The following NXN variants were observed in gnomAD, a reference collection of about 807,000 sequenced individuals.
NXN encodes nucleoredoxin.
NXN carries 16 observed loss-of-function variants against 48.6 expected under a neutral mutation model. The ratio of observed to expected loss-of-function variants is 0.33; its 90% CI spans 0.22 to 0.50. The LOEUF (loss-of-function observed/expected upper bound fraction) is 0.50. NXN is among the 20% of genes least tolerant of loss of function. The pLI is 0.98. For synonymous variants in NXN, 281 were observed against 269.6 expected (o/e 1.04, Z -0.41); for missense variants, 492 against 605.5 (o/e 0.81, Z 1.97).
intron 1 of NXN, among the ~76,000 whole-genome samples, chr17:970,036 G>GT (rs2069355270): frequency 6.6e-6 from 1 of 152,116 alleles, no homozygotes; most frequent in South Asian, 2.1e-4. Flanking sequence ...AGCTTACGTT[G>GT]TTTTTTTAAA....
In NXN at chr17:911,414, G is replaced by A. The variant is rs562119717; in HGVS notation, c.360+67905C>T. ...GAGTGCAGTGGCGCGATCTCGGCTT[G>A]CTGCAAGCTCCGCCTCCCAGGTTCA... is the stretch of plus-strand genomic sequence containing the variant. On this transcript the variant is annotated intron_variant, in intron 1 of 7. Transcript: ENST00000336868. Among the ~76,000 whole-genome samples, 81 of 142,386 alleles carry A rather than the reference G, an allele frequency of 5.7e-4. 3 individuals are homozygous for A. The South Asian group carries it at 0.016, about 28-fold the overall frequency. The allele number at this position is 142,386 out of a possible 152,430, so 93.4% of individuals were successfully genotyped here. A position where few individuals can be genotyped will look rare whatever the true frequency, so the allele number is the denominator to read the frequency against.
At chr17:943,081 C>T (rs1315346701) in intron 1 of NXN, among the ~76,000 whole-genome samples, 4 of 152,222 alleles carry the variant, frequency 2.6e-5, no homozygotes, top group Non-Finnish European at 5.9e-5. Context: ...TGGGGTGGCC[C>T]GGCACTAGAC....
chr17:972,048 C>T (rs1054538174), intron 1 of NXN, among the ~76,000 whole-genome samples: 11 of 152,188 alleles, frequency 7.2e-5, no homozygotes, highest in African/African-American at 2.4e-5. Flanking sequence ...CACCCGTAAG[C>T]CCAGCACTTT....
chr17:835,263 G>C (rs542856443), intron 1 of NXN, among the ~76,000 whole-genome samples: 2 of 149,852 alleles, frequency 1.3e-5, no homozygotes, highest in East Asian at 2.0e-4. Context: ...AGCTGAGATC[G>C]TGCCACTGCA....
intron 5 of NXN, among the ~76,000 whole-genome samples, chr17:818,153 C>T (rs1378596656): frequency 2.6e-5 from 4 of 151,374 alleles, no homozygotes; most frequent in Non-Finnish European, 5.9e-5. Flanking sequence ...CCCAGCTACT[C>T]GGGAGGCTGA....
chr17:890,807 A>C (rs1329773543), intron 1 of NXN, among the ~76,000 whole-genome samples: 1 of 152,066 alleles, frequency 6.6e-6, no homozygotes, highest in African/African-American at 2.4e-5. Flanking sequence ...CCATATTTAC[A>C]TTCCATAAGG....
intron 1 of NXN, among the ~76,000 whole-genome samples, chr17:876,854 C>G (rs1407988826): frequency 1.3e-5 from 2 of 152,028 alleles, no homozygotes; most frequent in African/African-American, 4.8e-5. Flanking sequence ...CGAGACCAGC[C>G]TGGCCAACAC....
At chr17:813,455 C>A (rs1159823219) in intron 5 of NXN, among the ~76,000 whole-genome samples, 1 of 152,228 alleles carries the variant, frequency 6.6e-6, no homozygotes, top group Non-Finnish European at 1.5e-5. Context: ...GAATGCCGCA[C>A]GTGGGGCTCA....
At chr17:809,108 A>G (rs2144586474) in intron 5 of NXN, among the ~76,000 whole-genome samples, 1 of 152,328 alleles carries the variant, frequency 6.6e-6, no homozygotes, top group East Asian at 1.9e-4. Flanking sequence ...TAGCTAAAGA[A>G]GCAGAAAGCA....
At chr17:846,665 A>T (rs1179910296) in intron 1 of NXN, among the ~76,000 whole-genome samples, 2 of 151,620 alleles carry the variant, frequency 1.3e-5, no homozygotes, top group African/African-American at 2.4e-5. Flanking sequence ...TTGGATAAAC[A>T]TTTGATTTTT....
intron 1 of NXN, among the ~76,000 whole-genome samples, chr17:829,503 T>C (rs1051880434): frequency 1.3e-5 from 2 of 151,062 alleles, no homozygotes; most frequent in African/African-American, 4.9e-5. Flanking sequence ...GTGCAGAATG[T>C]GCAGGTTTGT....
In NXN at chr17:800,694, G is replaced by A. The variant is rs532039070; in HGVS notation, c.*255C>T. 70 of 327,554 alleles carry A rather than the reference G, an allele frequency of 2.1e-4. No individual in the cohort carries two copies. Among genetic ancestry groups the A allele is most frequent in the African/African-American group, 1.4e-3 (64 of 47,130 alleles). 20.3% of individuals were successfully genotyped at this position (327,554 alleles called of 1,614,324 possible). ...CTAGTGACTTTGCGAAAGCCATGCA[G>A]CCCCGCTCTGGCCGGGCCCCCGGCC... On this transcript the variant is annotated 3_prime_UTR_variant, in exon 8 of 8. Coordinates refer to ENST00000336868, the MANE Select transcript of NXN (RefSeq NM_022463.5).
At chr17:811,775 C>T (rs1912026558) in intron 5 of NXN, among the ~76,000 whole-genome samples, 1 of 152,196 alleles carries the variant, frequency 6.6e-6, no homozygotes. Flanking sequence ...GGCACAGCCT[C>T]GAGGCCCCGA....
intron 1 of NXN, among the ~76,000 whole-genome samples, chr17:844,919 T>C (rs1213029296): frequency 6.6e-6 from 1 of 152,036 alleles, no homozygotes; most frequent in African/African-American, 2.4e-5. Context: ...CATGCCAAGA[T>C]GCCTGAAAAC....
rs1387439757 is a variant in NXN, at chr17:841,599, C to CA, written c.361-15522_361-15521insT. Among the ~76,000 whole-genome samples, 144 of 113,160 alleles carry CA rather than the reference C, an allele frequency of 1.3e-3. 4 individuals carry two copies. Among genetic ancestry groups the CA allele is most frequent in the Admixed American group, 1.6e-3 (19 of 11,638 alleles). 74.2% of individuals were successfully genotyped at this position (113,160 alleles called of 152,430 possible). A position where few individuals can be genotyped will look rare whatever the true frequency, so the allele number is the denominator to read the frequency against. ...AGCATCTCACGCCGGCGAGCAGGTC[C>CA]CCCCGACCACAGAGCATCTCACACG... On this transcript the variant is annotated intron_variant, in intron 1 of 7. Transcript: ENST00000336868.
chr17:911,519 T>C (rs1317849931), intron 1 of NXN, among the ~76,000 whole-genome samples: 1 of 151,912 alleles, frequency 6.6e-6, no homozygotes, highest in Non-Finnish European at 1.5e-5. Flanking sequence ...TTTGTAGAGA[T>C]GGTGTTTTAC....
At chr17:948,162 G>A (rs774986319) in intron 1 of NXN, among the ~76,000 whole-genome samples, 4 of 152,070 alleles carry the variant, frequency 2.6e-5, no homozygotes, top group Non-Finnish European at 5.9e-5. Flanking sequence ...CAATGTATTA[G>A]ATGTATTAGG....
chr17:873,493 CAAAA>C (rs71145783), intron 1 of NXN, among the ~76,000 whole-genome samples: 7 of 74,990 alleles, frequency 9.3e-5, no homozygotes, highest in South Asian at 4.8e-4. Flanking sequence ...ACACTGTCTC[CAAAA>C]AAAAAAAAAA....
At chr17:972,022 C>G (rs1296301381) in intron 1 of NXN, among the ~76,000 whole-genome samples, 1 of 152,104 alleles carries the variant, frequency 6.6e-6, no homozygotes. Flanking sequence ...AAAAATTGGC[C>G]AGTCACGGTG....
Sources: gnomAD v4.1 joint callset for allele counts (sites outside exome capture counted in the v4.1 genomes callset) on GRCh38, gnomAD v4.1.1 for gene constraint, MANE v1.5 for transcripts, NCBI Gene and HGNC (gene_info 2026-07-23, HGNC 2026-07-21) for gene names.